Variants in LRP1B observed in about 807,000 individuals in gnomAD.
LRP1B encodes low-density lipoprotein receptor-related protein 1B.
Under a neutral mutation model 556.6 loss-of-function variants are expected in LRP1B, and 217 were observed. The ratio of observed to expected loss-of-function variants is 0.39; its 90% confidence interval spans 0.35 to 0.44. The LOEUF is 0.44. Ranked by LOEUF, LRP1B falls within the 20% of genes least tolerant of loss-of-function variation. The probability of loss-of-function intolerance (pLI) is 1.00; values close to 1 mark genes in which losing one functional copy is unlikely to be tolerated. For missense variants in LRP1B, 5,053 were observed against 5,620.8 expected (o/e 0.90, Z 3.23); for synonymous variants, 2,047 against 1,865.8 (o/e 1.10, Z -2.50).
chr2:142,097,648 G>A (rs1304405277), intron 1 of LRP1B, among the ~76,000 whole-genome samples: 1 of 151,552 alleles, frequency 6.6e-6, no homozygotes, highest in Non-Finnish European at 1.5e-5. Flanking sequence ...TTTAATGTCA[G>A]CATACACAGA....
chr2:141,858,393 C>T (rs937296714), intron 1 of LRP1B, among the ~76,000 whole-genome samples: 1 of 152,148 alleles, frequency 6.6e-6, no homozygotes, highest in Non-Finnish European at 1.5e-5. Flanking sequence ...TCATTCGCAT[C>T]TTCAATAATT....
chr2:141,577,905 GCTT>G (rs1267489566), intron 2 of LRP1B, among the ~76,000 whole-genome samples: 1 of 152,130 alleles, frequency 6.6e-6, no homozygotes, highest in Admixed American at 6.5e-5. Context: ...GGAATGCAGA[GCTT>G]CTTACACCTC....
chr2:140,932,489 C>T (rs571826264), intron 20 of LRP1B, among the ~76,000 whole-genome samples: 46 of 152,108 alleles, frequency 3.0e-4, no homozygotes, highest in Non-Finnish European at 3.1e-4. Flanking sequence ...ACTGTCTAAT[C>T]CTTTACAGAA....
At chr2:141,561,537 C>T (rs1438585621) in intron 2 of LRP1B, among the ~76,000 whole-genome samples, 1 of 151,818 alleles carries the variant, frequency 6.6e-6, no homozygotes, top group African/African-American at 2.4e-5. Context: ...TTCTGCATTA[C>T]CAATTTCACC....
intron 18 of LRP1B, among the ~76,000 whole-genome samples, chr2:140,979,504 G>A (rs943598745): frequency 6.6e-6 from 1 of 152,040 alleles, no homozygotes; most frequent in African/African-American, 2.4e-5. Context: ...ACATACTAGT[G>A]TGTTACTGCA....
At chr2:140,296,073 A>G (rs1468919840) in intron 84 of LRP1B, among the ~76,000 whole-genome samples, 1 of 152,186 alleles carries the variant, frequency 6.6e-6, no homozygotes, top group East Asian at 1.9e-4. Context: ...GATAGAAAAG[A>G]CTATAGTACA....
intron 84 of LRP1B, among the ~76,000 whole-genome samples, chr2:140,288,320 C>T (rs1558773595): frequency 6.6e-6 from 1 of 151,556 alleles, no homozygotes; most frequent in African/African-American, 2.4e-5. Context: ...GTGATTAAAT[C>T]TTTAATAGTT....
intron 3 of LRP1B, among the ~76,000 whole-genome samples, chr2:141,423,119 T>C (rs1163194813): frequency 6.6e-6 from 1 of 151,920 alleles, no homozygotes; most frequent in Non-Finnish European, 1.5e-5. Context: ...TCTATTTCAT[T>C]AATTTGTTCT....
At chr2:141,332,388 G>T (rs1200707718) in intron 3 of LRP1B, among the ~76,000 whole-genome samples, 1 of 150,432 alleles carries the variant, frequency 6.6e-6, no homozygotes, top group African/African-American at 2.4e-5. Context: ...TGACCAATTT[G>T]CTATGGACAT....
At chr2:141,404,027 TC>T in intron 3 of LRP1B, among the ~76,000 whole-genome samples, 1 of 152,204 alleles carries the variant, frequency 6.6e-6, no homozygotes, top group Non-Finnish European at 1.5e-5. Flanking sequence ...TATGAGGTAC[TC>T]TACACAGTGG....
chr2:140,820,201 A>C (rs1691276255), intron 31 of LRP1B, among the ~76,000 whole-genome samples: 1 of 152,068 alleles, frequency 6.6e-6, no homozygotes, highest in Non-Finnish European at 1.5e-5. Flanking sequence ...GCTAGTCTTG[A>C]ACTCCTGGCC....
At chr2:141,507,632 G>A (rs1160702974) in intron 2 of LRP1B, among the ~76,000 whole-genome samples, 3 of 152,038 alleles carry the variant, frequency 2.0e-5, no homozygotes, top group Admixed American at 6.6e-5. Flanking sequence ...ACATTAAAGT[G>A]CATTAGAAAT....
At chr2:140,958,908 T>C (rs978283753) in intron 18 of LRP1B, among the ~76,000 whole-genome samples, 3 of 151,424 alleles carry the variant, frequency 2.0e-5, no homozygotes, top group East Asian at 1.9e-4. Flanking sequence ...TATATGAGGG[T>C]TAGGTAGAGA....
At chr2:140,308,189 A>C (rs1024107906) in intron 83 of LRP1B, among the ~76,000 whole-genome samples, 1 of 151,778 alleles carries the variant, frequency 6.6e-6, no homozygotes, top group African/African-American at 2.4e-5. Context: ...AAACCTGGTG[A>C]GTGTCTGTCT....
intron 1 of LRP1B, among the ~76,000 whole-genome samples, chr2:141,940,096 A>C (rs1700752920): frequency 6.6e-6 from 1 of 152,166 alleles, no homozygotes; most frequent in Admixed American, 6.5e-5. Flanking sequence ...ATTGCAGTGC[A>C]GTTAAAACTA....
intron 2 of LRP1B, among the ~76,000 whole-genome samples, chr2:141,788,968 A>G (rs1158764809): frequency 4.6e-5 from 7 of 151,940 alleles, no homozygotes; most frequent in Admixed American, 3.3e-4. Context: ...AGTCTTTGCT[A>G]TTGTGAATAG....
rs1684111012 is a variant in LRP1B at position 141,247,480 on chromosome 2, C to CTT, written c.464-128_464-127dup. 3 of 1,032,276 alleles carry CTT rather than the reference C, an allele frequency of 2.9e-6. No individual in the cohort carries two copies. In the East Asian group the frequency reaches 7.4e-5, roughly 25 times the overall value. 63.9% of individuals were successfully genotyped at this position (1,032,276 alleles called of 1,614,324 possible). ...TAAGGAAAAGCCAATTCCAATAAGT[C>CTT]TTTTCAAAACCACACTAACTAAAAA... On this transcript the variant is annotated intron_variant, in intron 4 of 90. Transcript: ENST00000389484.
At chr2:141,452,071 A>AT (rs1378756918) in intron 3 of LRP1B, among the ~76,000 whole-genome samples, 3 of 152,214 alleles carry the variant, frequency 2.0e-5, no homozygotes, top group African/African-American at 7.2e-5. Context: ...GTCCTTAACT[A>AT]TCTACCTTAT....
chr2:141,822,857 C>A (rs528325368), intron 1 of LRP1B, among the ~76,000 whole-genome samples: 1 of 151,924 alleles, frequency 6.6e-6, no homozygotes, highest in Non-Finnish European at 1.5e-5. Context: ...TTTAGTAAAG[C>A]GGTGGGCAAA....
Sources: allele counts gnomAD v4.1 joint callset (sites outside exome capture counted in the v4.1 genomes callset), GRCh38; gene constraint gnomAD v4.1.1; transcripts MANE v1.5; gene names NCBI Gene and HGNC (gene_info 2026-07-23, HGNC 2026-07-21).